The following MRPL48 variants were observed in gnomAD, a reference collection of about 807,000 sequenced individuals.
MRPL48 encodes mitochondrial ribosomal protein L48.
Under a neutral mutation model 32.9 loss-of-function variants are expected in MRPL48, and 16 were observed. That is an observed-to-expected ratio of 0.49 (90% CI 0.33 to 0.74). The LOEUF (loss-of-function observed/expected upper bound fraction) is 0.74. Among genes scored for constraint, MRPL48 ranks in the 30% least tolerant of loss-of-function variants. The pLI is 0.02. For missense variants in MRPL48, 206 were observed against 245.3 expected (o/e 0.84, Z 1.07); for synonymous variants, 94 against 89.2 (o/e 1.05, Z -0.31).
At chr11:73,802,549 T>C (rs965266558) in intron 1 of MRPL48, among the ~76,000 whole-genome samples, 2 of 152,242 alleles carry the variant, frequency 1.3e-5, no homozygotes, top group Non-Finnish European at 2.9e-5. Context: ...TCTGGATATT[T>C]CACAGAAATA....
intron 1 of MRPL48, among the ~76,000 whole-genome samples, chr11:73,799,911 A>C (rs1424578305): frequency 6.6e-6 from 1 of 152,190 alleles, no homozygotes; most frequent in South Asian, 2.1e-4. Flanking sequence ...TATGAACTTC[A>C]TTAGTATAAA....
In MRPL48 at chr11:73,787,946, A is replaced by G. The variant is rs375319697; in HGVS notation, c.-26A>G. 8.1e-6 allele frequency: 13 copies of G among 1,611,704 alleles called. No homozygotes were observed. The highest frequency in any genetic ancestry group is 1.3e-5 in the African/African-American group (1 of 74,800). On this transcript the variant is annotated 5_prime_UTR_variant, in exon 1 of 8. Coordinates refer to ENST00000310614, the MANE Select transcript of MRPL48 (RefSeq NM_016055.6). ...GCAGGGTCCGGTCTTCGGTTTGCACAGCTAGAGGCCGCGCAGCAGCAAAGG... is the reference window on the plus strand; with the variant it reads ...GCAGGGTCCGGTCTTCGGTTTGCACGGCTAGAGGCCGCGCAGCAGCAAAGG...
chr11:73,788,028 ATGG>A (rs1947073369), intron 1 of MRPL48, 36 bp downstream of exon 1: 2 of 1,465,036 alleles, frequency 1.4e-6, no homozygotes, highest in East Asian at 2.3e-5. Context: ...GCGCGGGGAG[ATGG>A]CGGACGGTGC....
chr11:73,864,535 A>G lies in MRPL48; in HGVS notation c.*165A>G. ...CCTCTGTGGCTTGGCTGTACTTGCCATTTCTTACCACTTACCTATGAGGTA... is the reference window on the plus strand; with the variant it reads ...CCTCTGTGGCTTGGCTGTACTTGCCGTTTCTTACCACTTACCTATGAGGTA... On this transcript the variant is annotated 3_prime_UTR_variant, in exon 8 of 8. Transcript: ENST00000310614. 1.6e-6 allele frequency: 1 copy of G among 639,988 alleles called. No individual in the cohort carries two copies. Among genetic ancestry groups the G allele is most frequent in the Admixed American group, 2.8e-5 (1 of 35,650 alleles). 39.6% of individuals were successfully genotyped at this position (639,988 alleles called of 1,614,324 possible). A position where few individuals can be genotyped will look rare whatever the true frequency, so the allele number is the denominator to read the frequency against.
intron 1 of MRPL48, 56 bp downstream of exon 1, chr11:73,788,048 G>A: frequency 6.2e-7 from 1 of 1,602,954 alleles, no homozygotes; most frequent in Non-Finnish European, 8.5e-7. Flanking sequence ...GTGCAGAGAG[G>A]GGAGATGGCG....
At chr11:73,832,004 T>G (rs978376190) in intron 4 of MRPL48, among the ~76,000 whole-genome samples, 2 of 148,848 alleles carry the variant, frequency 1.3e-5, no homozygotes, top group Non-Finnish European at 3.0e-5. Context: ...TAGCACTGGG[T>G]CATTTTTCCC....
chr11:73,828,227 C>CTTTT (rs34182477), intron 4 of MRPL48, among the ~76,000 whole-genome samples: 9 of 131,956 alleles, frequency 6.8e-5, no homozygotes, highest in Admixed American at 1.5e-4. Flanking sequence ...CAAAATAATT[C>CTTTT]TTTTTTTTTT....
At chr11:73,835,514 T>G (rs1948084305) in intron 4 of MRPL48, among the ~76,000 whole-genome samples, 1 of 152,214 alleles carries the variant, frequency 6.6e-6, no homozygotes, top group African/African-American at 2.4e-5. Flanking sequence ...TTCGTAAAAT[T>G]TACTAGTTGG....
intron 3 of MRPL48, among the ~76,000 whole-genome samples, chr11:73,809,235 A>T (rs1254780264): frequency 9.7e-6 from 1 of 102,644 alleles, no homozygotes; most frequent in Non-Finnish European, 1.9e-5. Context: ...GTGCTTGGCC[A>T]GGTGCCTCAC....
intron 5 of MRPL48, among the ~76,000 whole-genome samples, chr11:73,851,991 TATAAC>T (rs1003136494): frequency 1.3e-5 from 2 of 151,892 alleles, no homozygotes; most frequent in Non-Finnish European, 2.9e-5. Flanking sequence ...GAGACATAAT[TATAAC>T]ATAATGTGAA....
intron 3 of MRPL48, among the ~76,000 whole-genome samples, chr11:73,809,757 T>C (rs559147064): frequency 6.6e-6 from 1 of 152,352 alleles, no homozygotes; most frequent in Admixed American, 6.5e-5. Context: ...TGTTGGATTT[T>C]AATGACGTTT....
chr11:73,791,817 T>C (rs992087971), intron 1 of MRPL48, among the ~76,000 whole-genome samples: 2 of 152,228 alleles, frequency 1.3e-5, no homozygotes, highest in African/African-American at 4.8e-5. Flanking sequence ...AAACAAATGT[T>C]GATATTACCT....
chr11:73,853,680 C>CTTTTTTTTTTTTTTTTTTTTTT (rs58486952), intron 5 of MRPL48, among the ~76,000 whole-genome samples: 1 of 79,118 alleles, frequency 1.3e-5, no homozygotes, highest in African/African-American at 5.1e-5. Flanking sequence ...GAGATAGCTT[C>CTTTTTTTTTTTTTTTTTTTTTT]TTTTTTTTTT....
intron 1 of MRPL48, among the ~76,000 whole-genome samples, chr11:73,803,012 A>T (rs1278881171): frequency 6.6e-6 from 1 of 152,134 alleles, no homozygotes; most frequent in East Asian, 1.9e-4. Context: ...TAGACTTTTT[A>T]AAAATAAGCT....
intron 3 of MRPL48, among the ~76,000 whole-genome samples, chr11:73,813,624 CTTTATG>C (rs1275285079): frequency 6.6e-6 from 1 of 152,052 alleles, no homozygotes; most frequent in Non-Finnish European, 1.5e-5. Context: ...TATCCCTTGA[CTTTATG>C]TTTGTGTTTT....
At chr11:73,819,814 C>T (rs1403533281) in intron 3 of MRPL48, among the ~76,000 whole-genome samples, 1 of 152,064 alleles carries the variant, frequency 6.6e-6, no homozygotes, top group Non-Finnish European at 1.5e-5. Context: ...GGGAGGATCA[C>T]TTGAGCCTAG....
chr11:73,836,387 C>G (rs1255371822), intron 4 of MRPL48, among the ~76,000 whole-genome samples: 1 of 152,018 alleles, frequency 6.6e-6, no homozygotes, highest in Admixed American at 6.6e-5. Context: ...TTAGTAGAGA[C>G]GGGTTTTCAC....
rs780969816 is a variant in MRPL48 at position 73,859,993 on chromosome 11, A to G, written c.458A>G (p.His153Arg). Residue 153 changes from histidine (H) to arginine (R), a missense_variant, in exon 6 of 8, where the codon CAT (histidine) becomes CGT (arginine). Physicochemically the swap from His to Arg is conservative, Grantham distance 29 (BLOSUM62 0). Coordinates refer to ENST00000310614, the MANE Select transcript of MRPL48 (RefSeq NM_016055.6). The part of the protein sequence containing the change: ...KMLLDSVLTT[H>R]ERVVQISGLS... ...CTCCTGGACTCAGTGCTTACCACCC[A>G]TGAGCGAGTGGTTCAGGTAGGCACT... 16 of 1,613,600 alleles carry G rather than the reference A, an allele frequency of 9.9e-6. No homozygotes were observed. Among genetic ancestry groups the G allele is most frequent in the Non-Finnish European group, 1.4e-5 (16 of 1,179,736 alleles).
chr11:73,861,215 A>G (rs1314091105), intron 6 of MRPL48, among the ~76,000 whole-genome samples: 1 of 152,210 alleles, frequency 6.6e-6, no homozygotes, highest in Non-Finnish European at 1.5e-5. Flanking sequence ...ATTATTTATA[A>G]TATATCCTGT....
Sources: gnomAD v4.1 joint callset for allele counts (sites outside exome capture counted in the v4.1 genomes callset) on GRCh38, gnomAD v4.1.1 for gene constraint, MANE v1.5 for transcripts, NCBI Gene and HGNC (gene_info 2026-07-23, HGNC 2026-07-21) for gene names.